PCDHGA5: variants seen among roughly 807,000 people sequenced by gnomAD.
PCDHGA5 encodes protocadherin gamma-A5.
PCDHGA5 carries 36 observed loss-of-function variants against 56.7 expected under a neutral mutation model. The ratio of observed to expected loss-of-function variants is 0.64; its 90% CI spans 0.49 to 0.84. PCDHGA5 has a LOEUF of 0.84. Among genes scored for constraint, PCDHGA5 ranks in the 40% least tolerant of loss-of-function variants. The pLI is 0.00. For missense variants in PCDHGA5, 1,305 were observed against 1,201.5 expected, an observed-to-expected ratio of 1.09 and a Z score of -1.27; for synonymous variants, 563 against 520.2, an observed-to-expected ratio of 1.08 and a Z score of -1.12.
chr5:141,393,634 A>G (rs1589198700), intron 1 of PCDHGA5: 3 of 1,613,848 alleles, frequency 1.9e-6, no homozygotes, highest in African/African-American at 2.7e-5. Flanking sequence ...GAGGGAATCA[A>G]CGGAAAAGTG....
rs2099727742 is a variant in PCDHGA5 at position 141,491,740 on chromosome 5, G to C, written c.2422-3067G>C. On this transcript the variant is annotated intron_variant, in intron 1 of 3. Coordinates refer to ENST00000518069, the MANE Select transcript of PCDHGA5 (RefSeq NM_018918.3). The surrounding 1 kb of genome is among the most constrained non-coding windows in gnomAD (Gnocchi z 6.9). Reference sequence around the variant, plus strand: ...GCCGCCCCGGGCGACCCCTGGGGGCGGCACTGGAGAAGCCGCCCGTCCTCA... The same window carrying C: ...GCCGCCCCGGGCGACCCCTGGGGGCCGCACTGGAGAAGCCGCCCGTCCTCA... The C allele has an allele frequency of 6.3e-7, 1 of 1,597,622 alleles. No homozygotes were observed. The highest frequency in any genetic ancestry group is 8.5e-7 in the Non-Finnish European group (1 of 1,173,228).
At chr5:141,392,896 G>C in intron 1 of PCDHGA5, 2 of 1,613,812 alleles carry the variant, frequency 1.2e-6, no homozygotes, top group South Asian at 1.1e-5. Flanking sequence ...GAAATCGGGA[G>C]GGGACAGATT....
chr5:141,480,827 A>G (rs1455065731), intron 1 of PCDHGA5, among the ~76,000 whole-genome samples: 2 of 152,212 alleles, frequency 1.3e-5, no homozygotes, highest in Admixed American at 6.5e-5. Context: ...TGGGTGGATC[A>G]TAAGATCAGG....
intron 1 of PCDHGA5, chr5:141,433,208 C>CT (rs745329085): frequency 0.022 from 27,155 of 1,216,152 alleles, no homozygotes; most frequent in Non-Finnish European, 0.026. Flanking sequence ...AATCTTCTTT[C>CT]TTTTTTTTTT....
chr5:141,485,922 G>C lies in PCDHGA5; in HGVS notation c.2422-8885G>C. 6.2e-7 allele frequency: 1 copy of C among 1,614,170 alleles called. No individual in the cohort carries two copies. The highest frequency in any genetic ancestry group is 8.5e-7 in the Non-Finnish European group (1 of 1,180,036). On this transcript the variant is annotated intron_variant, in intron 1 of 3. Transcript: ENST00000518069. This position sits in a 1 kb window ranked among gnomAD's most constrained non-coding sequence, Gnocchi z 5.7. The stretch of plus-strand genomic sequence containing the variant: ...TTCCAGCAATCCAGCTACAGGATTA[G>C]TGTGTTGGAGAGCGCACCAGCGGGC...
chr5:141,476,306 C>T lies in PCDHGA5; in HGVS notation c.2422-18501C>T, dbSNP rs1011265476. The T allele has an allele frequency of 1.2e-6, 2 of 1,613,464 alleles. No homozygotes were observed. Among genetic ancestry groups the T allele is most frequent in the African/African-American group, 2.7e-5 (2 of 74,688 alleles). On this transcript the variant is annotated intron_variant, in intron 1 of 3. Transcript: ENST00000518069. The surrounding 1 kb of genome is among the most constrained non-coding windows in gnomAD (Gnocchi z 7.6). ...TTTGGATCTCGGTAGCCTCTCAGCCCGCAGGTTCCGGGTGGTGTCTGGAGC... is the reference window on the plus strand; with the variant it reads ...TTTGGATCTCGGTAGCCTCTCAGCCTGCAGGTTCCGGGTGGTGTCTGGAGC...
rs752392369 is a variant in PCDHGA5 at position 141,422,109 on chromosome 5, A to G, written c.2421+55358A>G. ...AAAGCAAGGCTTCTGAAATATTCCA[A>G]TTGGATTCACAAACTGGAGAAGTTC... On this transcript the variant is annotated intron_variant, in intron 1 of 3. Coordinates refer to ENST00000518069, the MANE Select transcript of PCDHGA5 (RefSeq NM_018918.3). 6 of 1,606,850 alleles carry G rather than the reference A, an allele frequency of 3.7e-6. No homozygotes were observed. The African/African-American group carries it at 4.0e-5, about 11-fold the overall frequency.
At position 141,485,680 on chromosome 5, in the gene PCDHGA5, C is replaced by A. The variant is rs1450674419; in HGVS notation, c.2422-9127C>A. The A allele has an allele frequency of 6.2e-7, 1 of 1,613,966 alleles. No individual in the cohort carries two copies. On this transcript the variant is annotated intron_variant, in intron 1 of 3. Transcript: ENST00000518069. The surrounding 1 kb of genome is among the most constrained non-coding windows in gnomAD (Gnocchi z 5.7). ...ATGTGGGGAGCAATTCGATTAGCAGCTATAGGCTGAGCTCCAATGAACACT... is the reference window on the plus strand; with the variant it reads ...ATGTGGGGAGCAATTCGATTAGCAGATATAGGCTGAGCTCCAATGAACACT...
intron 1 of PCDHGA5, chr5:141,367,915 AAG>A (rs963477833): frequency 6.6e-6 from 1 of 152,232 alleles, no homozygotes; most frequent in Non-Finnish European, 1.5e-5. Flanking sequence ...TTGAAAAAAA[AAG>A]AACTCAACTT....
At chr5:141,437,887 G>A (rs1289693561) in intron 1 of PCDHGA5, among the ~76,000 whole-genome samples, 12 of 151,946 alleles carry the variant, frequency 7.9e-5, no homozygotes, top group Admixed American at 3.3e-4. Flanking sequence ...ACAGGCACAC[G>A]CCACCACACC....
At chr5:141,442,689 G>A (rs966261716) in intron 1 of PCDHGA5, among the ~76,000 whole-genome samples, 1 of 152,238 alleles carries the variant, frequency 6.6e-6, no homozygotes, top group South Asian at 2.1e-4. Context: ...CAGTAGTCAG[G>A]CAGACAAGAG....
At chr5:141,488,855 C>T (rs1441666819) in intron 1 of PCDHGA5, among the ~76,000 whole-genome samples, 2 of 152,190 alleles carry the variant, frequency 1.3e-5, no homozygotes, top group Non-Finnish European at 1.5e-5. Context: ...ACCTGCAGCA[C>T]GAAGTGAGTG....
chr5:141,489,151 A>G lies in PCDHGA5; in HGVS notation c.2422-5656A>G. On this transcript the variant is annotated intron_variant, in intron 1 of 3. Transcript: ENST00000518069. This position sits in a 1 kb window ranked among gnomAD's most constrained non-coding sequence, Gnocchi z 4.5. ...TTTTTAAGAGGCTGGAAGGAGACAT[A>G]AGAGACTTCAGCTGCTGCATTCCAA... is the stretch of plus-strand genomic sequence containing the variant. The G allele has an allele frequency of 4.3e-6, 4 of 932,968 alleles. No individual in the cohort carries two copies. Among genetic ancestry groups the G allele is most frequent in the Non-Finnish European group, 6.4e-6 (4 of 622,052 alleles). 57.8% of individuals were successfully genotyped at this position (932,968 alleles called of 1,614,324 possible).
At chr5:141,443,760 T>C (rs894568340) in intron 1 of PCDHGA5, among the ~76,000 whole-genome samples, 20 of 152,040 alleles carry the variant, frequency 1.3e-4, no homozygotes, top group African/African-American at 4.6e-4. Context: ...AAGCTTACAA[T>C]ATACAATATT....
chr5:141,458,104 A>G (rs969775517), intron 1 of PCDHGA5, among the ~76,000 whole-genome samples: 6 of 152,232 alleles, frequency 3.9e-5, no homozygotes, highest in Non-Finnish European at 8.8e-5. Flanking sequence ...ACTTACAGAT[A>G]GTCTCCAAAT....
chr5:141,419,258 C>G lies in PCDHGA5; in HGVS notation c.2421+52507C>G, dbSNP rs761740232. The G allele has an allele frequency of 2.5e-6, 4 of 1,614,028 alleles. No individual in the cohort carries two copies. The Admixed American group carries it at 6.7e-5, about 27-fold the overall frequency. ...GGTCCACGTGCCAGAAAACAACCAG[C>G]CGGGTGCCTCCATAGCGCAAGTCAG... On this transcript the variant is annotated intron_variant, in intron 1 of 3. Transcript: ENST00000518069.
At position 141,486,059 on chromosome 5, in the gene PCDHGA5, C is replaced by T. The variant is rs141349392; in HGVS notation, c.2422-8748C>T. ...TCGTGTAAGAAACCTCTTTAGCCTG[C>T]ACCCCACTACTGGAAAGCTTACTCT... On this transcript the variant is annotated intron_variant, in intron 1 of 3. Transcript: ENST00000518069. The surrounding 1 kb of genome is among the most constrained non-coding windows in gnomAD (Gnocchi z 5.0). The T allele has an allele frequency of 9.0e-5, 146 of 1,614,034 alleles. No individual in the cohort carries two copies. The highest frequency in any genetic ancestry group is 1.2e-4 in the Non-Finnish European group (138 of 1,180,018).
intron 1 of PCDHGA5, chr5:141,400,610 T>C (rs1561677991): frequency 3.2e-6 from 5 of 1,573,090 alleles, no homozygotes; most frequent in Non-Finnish European, 4.4e-6. Flanking sequence ...TCAAGTCCAA[T>C]GAGTTGTCTT....
chr5:141,468,433 A>G (rs2099167290), intron 1 of PCDHGA5: 1 of 152,202 alleles, frequency 6.6e-6, no homozygotes, highest in Non-Finnish European at 1.5e-5. Context: ...GGTAATAGCA[A>G]AATGTGGGTG....
Sources: gnomAD v4.1 joint callset for allele counts (sites outside exome capture counted in the v4.1 genomes callset) on GRCh38, gnomAD v4.1.1 for gene constraint, Gnocchi (gnomAD v3.1) non-coding constraint, MANE v1.5 for transcripts, NCBI Gene and HGNC (gene_info 2026-07-23, HGNC 2026-07-21) for gene names.